Variants in FMN1 observed in about 807,000 individuals in gnomAD.
The protein encoded by FMN1 is formin-1.
FMN1 carries 110 observed loss-of-function variants against 132.4 expected under a neutral mutation model. The ratio of observed to expected loss-of-function variants is 0.83; its 90% CI spans 0.71 to 0.97. FMN1 has a LOEUF of 0.97. Ranked by LOEUF, FMN1 falls within the 50% of genes least tolerant of loss-of-function variation. FMN1 has a pLI of 0.00. For synonymous variants in FMN1, 722 were observed against 651.7 expected, an observed-to-expected ratio of 1.11 and a Z score of -1.64; for missense variants, 1,792 against 1,705.3, an observed-to-expected ratio of 1.05 and a Z score of -0.90.
intron 7 of FMN1, chr15:32,970,723 T>G (rs2031711534): frequency 6.6e-6 from 1 of 152,210 alleles, no homozygotes; most frequent in Admixed American, 6.5e-5. Context: ...TTGAGATAAC[T>G]TTTATACTAT....
At chr15:32,992,131 C>T (rs2033472362) in intron 7 of FMN1, among the ~76,000 whole-genome samples, 1 of 152,084 alleles carries the variant, frequency 6.6e-6, no homozygotes, top group Non-Finnish European at 1.5e-5. Flanking sequence ...TGTTTTCTCC[C>T]CTCCTTGTTT....
intron 6 of FMN1, among the ~76,000 whole-genome samples, chr15:33,053,166 C>A (rs2037057710): frequency 6.6e-6 from 1 of 152,188 alleles, no homozygotes; most frequent in Non-Finnish European, 1.5e-5. Context: ...AGAACTAGGC[C>A]TTTGCCCTCA....
intron 17 of FMN1, among the ~76,000 whole-genome samples, chr15:32,817,080 C>G (rs1567215402): frequency 1.3e-5 from 2 of 152,202 alleles, no homozygotes; most frequent in African/African-American, 2.4e-5. Context: ...CATACCTTGA[C>G]AAAGGAAATT....
chr15:32,999,436 A>C (rs148283072), intron 7 of FMN1, among the ~76,000 whole-genome samples: 58 of 152,366 alleles, frequency 3.8e-4, no homozygotes, highest in Non-Finnish European at 5.1e-4. Flanking sequence ...GAGGAAGTCT[A>C]CAAGTCTTAA....
intron 4 of FMN1, among the ~76,000 whole-genome samples, chr15:33,119,887 A>G (rs958775754): frequency 6.6e-6 from 1 of 152,204 alleles, no homozygotes; most frequent in African/African-American, 2.4e-5. Context: ...AAATCACTGT[A>G]TAATTATCTT....
chr15:33,081,240 T>C (rs928575326), intron 5 of FMN1, among the ~76,000 whole-genome samples: 4 of 152,214 alleles, frequency 2.6e-5, no homozygotes, highest in Admixed American at 6.5e-5. Context: ...CCCACCTTGC[T>C]AACTGGTTTG....
chr15:33,093,270 A>G (rs949552442), intron 4 of FMN1, among the ~76,000 whole-genome samples: 18 of 152,252 alleles, frequency 1.2e-4, no homozygotes, highest in African/African-American at 4.8e-5. Flanking sequence ...AAGGCACTAC[A>G]TAAAATAAAC....
At chr15:32,935,892 C>T (rs2061257025) in intron 9 of FMN1, among the ~76,000 whole-genome samples, 1 of 152,142 alleles carries the variant, frequency 6.6e-6, no homozygotes, top group Non-Finnish European at 1.5e-5. Flanking sequence ...TCCCAAAGTG[C>T]TGGGATTACA....
intron 9 of FMN1, among the ~76,000 whole-genome samples, chr15:32,953,597 A>G (rs1179007504): frequency 6.6e-6 from 1 of 152,208 alleles, no homozygotes; most frequent in Non-Finnish European, 1.5e-5. Flanking sequence ...AAGTGTGGCC[A>G]TAGCACTGGG....
intron 5 of FMN1, among the ~76,000 whole-genome samples, chr15:33,068,332 C>T (rs2037844547): frequency 6.6e-6 from 1 of 152,180 alleles, no homozygotes. Flanking sequence ...CAAGTGAAGG[C>T]TTCTGAAAGT....
At chr15:33,053,924 T>A (rs1471908450) in intron 6 of FMN1, among the ~76,000 whole-genome samples, 1 of 151,880 alleles carries the variant, frequency 6.6e-6, no homozygotes, top group African/African-American at 2.4e-5. Flanking sequence ...TCTTTCGGAG[T>A]TTTTAATGTA....
At chr15:33,160,544 G>A (rs759488980) in intron 3 of FMN1, among the ~76,000 whole-genome samples, 14 of 152,178 alleles carry the variant, frequency 9.2e-5, no homozygotes, top group Non-Finnish European at 1.6e-4. Flanking sequence ...AAAAAGAGCA[G>A]TAAGTCCTAA....
intron 9 of FMN1, among the ~76,000 whole-genome samples, chr15:32,928,332 A>T (rs1293327747): frequency 6.6e-6 from 1 of 152,194 alleles, no homozygotes; most frequent in African/African-American, 2.4e-5. Flanking sequence ...AAGCAAAAAA[A>T]AAAGGCAATT....
Position 32,804,320 on chromosome 15 carries a change from T to A in FMN1, c.3941A>T (p.His1314Leu). 6.4e-7 allele frequency: 1 copy of A among 1,563,494 alleles called. No individual in the cohort carries two copies. The highest frequency in any genetic ancestry group is 8.7e-7 in the Non-Finnish European group (1 of 1,152,642). The change falls in exon 18 of 21, where the codon CAT (histidine) becomes CTT (leucine). Residue 1314 changes from histidine to leucine, a missense_variant. This residue lies in a region of FMN1 where 1,150 missense variants were observed against 1,043.1 expected (regional missense o/e 1.10). Coordinates refer to ENST00000616417, the MANE Select transcript of FMN1 (RefSeq NM_001277313.2). The part of the protein sequence containing the change: ...EEFFQKAKKE[H>L]KMEESHLENA... ...CTCCAAGTGACTTTCTTCCATCTTA[T>A]GCTCTTTTTTGGCTGTAAAAGATAA...
At chr15:32,943,917 G>A (rs1404926025) in intron 9 of FMN1, among the ~76,000 whole-genome samples, 1 of 152,192 alleles carries the variant, frequency 6.6e-6, no homozygotes, top group Non-Finnish European at 1.5e-5. Flanking sequence ...AACGATGCAA[G>A]GCAATGAGGT....
intron 7 of FMN1, among the ~76,000 whole-genome samples, chr15:32,996,916 A>AC (rs1171083666): frequency 1.6e-3 from 237 of 152,252 alleles, no homozygotes; most frequent in African/African-American, 5.4e-3. Context: ...GGTATCAGGG[A>AC]CTATACTGGA....
At chr15:32,954,211 C>T (rs1337737008) in intron 9 of FMN1, among the ~76,000 whole-genome samples, 1 of 152,188 alleles carries the variant, frequency 6.6e-6, no homozygotes, top group Admixed American at 6.5e-5. Flanking sequence ...AAATAACTCT[C>T]CAATATATAT....
At chr15:33,078,647 A>AAC (rs1809032322) in intron 5 of FMN1, among the ~76,000 whole-genome samples, 1 of 147,176 alleles carries the variant, frequency 6.8e-6, no homozygotes, top group African/African-American at 2.7e-5. Context: ...AAGGCAACAA[A>AAC]AAAAAAAAAA....
At position 32,825,432 on chromosome 15, in the gene FMN1, T is replaced by C. The variant is rs74856533; in HGVS notation, c.3929-21100A>G. 1.8e-3 allele frequency among the ~76,000 whole-genome samples: 272 copies of C among 152,328 alleles called. 2 individuals carry two copies. The highest frequency in any genetic ancestry group is 0.01 in the Middle Eastern group (3 of 294). On this transcript the variant is annotated intron_variant, in intron 17 of 20. Coordinates refer to ENST00000616417, the MANE Select transcript of FMN1 (RefSeq NM_001277313.2). ...CTCAGGGCTGCCAATCATGGTGTTCTTTCTGCGTACGATGTGTTTTTCTTC... is the reference window on the plus strand; with the variant it reads ...CTCAGGGCTGCCAATCATGGTGTTCCTTCTGCGTACGATGTGTTTTTCTTC...
Sources: gnomAD v4.1 joint callset for allele counts (sites outside exome capture counted in the v4.1 genomes callset) on GRCh38, gnomAD v4.1.1 for gene constraint, gnomAD v4.1.1 regional missense constraint, MANE v1.5 for transcripts, NCBI Gene and HGNC (gene_info 2026-07-23, HGNC 2026-07-21) for gene names.